Variants in GULP1 observed in about 807,000 individuals in gnomAD.
The protein encoded by GULP1 is GULP PTB domain containing engulfment adaptor 1.
In GULP1, 19 loss-of-function variants were observed where a neutral mutation model predicts 40.9. The ratio of observed to expected loss-of-function variants is 0.46; its 90% CI spans 0.32 to 0.68. The LOEUF (loss-of-function observed/expected upper bound fraction) is 0.68. GULP1 is among the 30% of genes least tolerant of loss of function. The pLI, the probability that GULP1 is intolerant of heterozygous loss-of-function variation, is 0.03. For missense variants in GULP1, 312 were observed against 362.2 expected (o/e 0.86, Z 1.12); for synonymous variants, 119 against 117.6 (o/e 1.01, Z -0.08).
chr2:188,425,694 A>G (rs982806008), intron 2 of GULP1, among the ~76,000 whole-genome samples: 20 of 152,182 alleles, frequency 1.3e-4, no homozygotes, highest in Non-Finnish European at 2.5e-4. Context: ...TGCACACAAC[A>G]GAGACATAGA....
intron 5 of GULP1, 91 bp downstream of exon 5, chr2:188,522,918 T>C (rs1251721383): frequency 1.3e-6 from 1 of 792,820 alleles, no homozygotes; most frequent in South Asian, 1.4e-5. Flanking sequence ...ACAGCTTTGC[T>C]GCAGGTATAG....
chr2:188,494,808 C>T (rs1245364177), intron 4 of GULP1, among the ~76,000 whole-genome samples: 2 of 151,760 alleles, frequency 1.3e-5, no homozygotes, highest in Non-Finnish European at 2.9e-5. Context: ...TCTATGTGCT[C>T]CTTTGTTTTT....
At chr2:188,384,966 A>G (rs976895030) in intron 2 of GULP1, among the ~76,000 whole-genome samples, 1 of 152,132 alleles carries the variant, frequency 6.6e-6, no homozygotes, top group African/African-American at 2.4e-5. Flanking sequence ...ATGGGCTGAC[A>G]TTGAGTGTCT....
chr2:188,391,970 A>T (rs1241372438), intron 2 of GULP1, among the ~76,000 whole-genome samples: 2 of 152,016 alleles, frequency 1.3e-5, no homozygotes, highest in African/African-American at 4.8e-5. Context: ...CCACTAGATC[A>T]TGCTGTATTA....
At chr2:188,525,975 A>G in intron 5 of GULP1, among the ~76,000 whole-genome samples, 1 of 152,224 alleles carries the variant, frequency 6.6e-6, no homozygotes, top group South Asian at 2.1e-4. Context: ...ACCCCAGAGA[A>G]GAATAGCTTC....
intron 1 of GULP1, among the ~76,000 whole-genome samples, chr2:188,359,623 G>A (rs1424327608): frequency 6.6e-6 from 1 of 152,106 alleles, no homozygotes; most frequent in Non-Finnish European, 1.5e-5. Context: ...TGAATGTAAG[G>A]TGGCTTTATA....
At chr2:188,510,322 G>A (rs929665725) in intron 4 of GULP1, among the ~76,000 whole-genome samples, 52 of 151,924 alleles carry the variant, frequency 3.4e-4, no homozygotes, top group Non-Finnish European at 5.7e-4. Context: ...TATTATTACC[G>A]TTGCACAACA....
chr2:188,454,364 C>T (rs1442123859), intron 2 of GULP1, among the ~76,000 whole-genome samples: 1 of 151,932 alleles, frequency 6.6e-6, no homozygotes, highest in African/African-American at 2.4e-5. Context: ...TGTGAGTATG[C>T]AAAAAGGTTA....
At chr2:188,448,757 G>A (rs2152906353) in intron 2 of GULP1, among the ~76,000 whole-genome samples, 1 of 152,308 alleles carries the variant, frequency 6.6e-6, no homozygotes, top group Non-Finnish European at 1.5e-5. Flanking sequence ...AGATATGGGA[G>A]GTGTTTGGGT....
intron 6 of GULP1, among the ~76,000 whole-genome samples, chr2:188,534,859 T>C (rs1335473232): frequency 1.3e-5 from 2 of 151,946 alleles, no homozygotes; most frequent in Non-Finnish European, 2.9e-5. Flanking sequence ...TAAACCTCCT[T>C]TACAAAATAT....
rs577406242 is a variant in GULP1 at position 188,505,665 on chromosome 2, G to C, written c.91-17091G>C. Among the ~76,000 whole-genome samples, 6 of 151,922 alleles carry C rather than the reference G, an allele frequency of 3.9e-5. No homozygotes were observed. The South Asian group carries it at 1.0e-3, about 26-fold the overall frequency. On this transcript the variant is annotated intron_variant, in intron 4 of 11. Transcript: ENST00000409830. ...AGTGAAGATGTGCCATTCTGGGCTA[G>C]TAATAGAATTATCAGTGCACAGTCC...
intron 1 of GULP1, among the ~76,000 whole-genome samples, chr2:188,312,265 G>C (rs1211680972): frequency 1.3e-5 from 2 of 151,728 alleles, no homozygotes; most frequent in East Asian, 1.9e-4. Flanking sequence ...TTCCATGGTG[G>C]TTTGCTGCAC....
rs954411966 is a variant in GULP1, at chr2:188,407,370, A to G, written c.-45+23481A>G. On this transcript the variant is annotated intron_variant, in intron 2 of 11. Coordinates refer to ENST00000409830, the MANE Select transcript of GULP1 (RefSeq NM_016315.4). ...CTAATTCAGAATATTCTAATCCTGT[A>G]ATGGTGACATGTAAATCACCTGTAT... Among the ~76,000 whole-genome samples, 8 of 152,218 alleles carry G rather than the reference A, an allele frequency of 5.3e-5. No individual in the cohort carries two copies. In the South Asian group the frequency reaches 1.2e-3, roughly 24 times the overall value.
Position 188,546,144 on chromosome 2 carries a change from T to C in GULP1, c.399+4826T>C, listed in dbSNP as rs144710520. ...TACGCAATTATAGTCGAAATTTTACTGGCACTTTCCCTCAAATTTATAGAA... is the reference window on the plus strand; with the variant it reads ...TACGCAATTATAGTCGAAATTTTACCGGCACTTTCCCTCAAATTTATAGAA... On this transcript the variant is annotated intron_variant, in intron 7 of 11. Coordinates refer to ENST00000409830, the MANE Select transcript of GULP1 (RefSeq NM_016315.4). Among the ~76,000 whole-genome samples, 1,236 of 152,118 alleles carry C rather than the reference T, an allele frequency of 8.1e-3. 24 individuals are homozygous for C. Among genetic ancestry groups the C allele is most frequent in the African/African-American group, 0.028 (1,184 of 41,552 alleles).
chr2:188,549,642 A>G (rs1157077239), intron 7 of GULP1, among the ~76,000 whole-genome samples: 1 of 151,826 alleles, frequency 6.6e-6, no homozygotes, highest in African/African-American at 2.4e-5. Context: ...TTTATCCCAG[A>G]GAAATCAAAA....
At chr2:188,457,941 A>T (rs1271731587) in intron 2 of GULP1, among the ~76,000 whole-genome samples, 2 of 152,092 alleles carry the variant, frequency 1.3e-5, no homozygotes, top group Non-Finnish European at 2.9e-5. Context: ...TATATCTTCC[A>T]TTCACTCTTC....
chr2:188,440,723 G>A (rs1037859055), intron 2 of GULP1, among the ~76,000 whole-genome samples: 1 of 152,060 alleles, frequency 6.6e-6, no homozygotes, highest in Non-Finnish European at 1.5e-5. Flanking sequence ...TAAATAGAGG[G>A]TACCTAAAAC....
chr2:188,332,133 G>A (rs546366718), intron 1 of GULP1, among the ~76,000 whole-genome samples: 10 of 151,072 alleles, frequency 6.6e-5, no homozygotes, highest in Non-Finnish European at 1.5e-4. Flanking sequence ...GATGATGATA[G>A]CATTAATAGT....
chr2:188,484,805 A>AT (rs1286545700), intron 4 of GULP1, among the ~76,000 whole-genome samples: 2 of 151,998 alleles, frequency 1.3e-5, no homozygotes, highest in Admixed American at 6.6e-5. Flanking sequence ...ACCATCTCTT[A>AT]TTTTTTTCTT....
Sources: allele counts gnomAD v4.1 joint callset (sites outside exome capture counted in the v4.1 genomes callset), GRCh38; gene constraint gnomAD v4.1.1; transcripts MANE v1.5; gene names NCBI Gene and HGNC (gene_info 2026-07-23, HGNC 2026-07-21).